NDUFA8: variants seen among roughly 807,000 people sequenced by gnomAD.
The protein encoded by NDUFA8 is NADH:ubiquinone oxidoreductase subunit A8, also known as NADH dehydrogenase [ubiquinone] 1 alpha subcomplex subunit 8.
Under a neutral mutation model 20.9 loss-of-function variants are expected in NDUFA8, and 16 were observed. The ratio of observed to expected loss-of-function variants is 0.77; its 90% CI spans 0.52 to 1.16. The LOEUF (loss-of-function observed/expected upper bound fraction) is 1.16. Among genes scored for constraint, NDUFA8 ranks in the 50% most tolerant of loss-of-function variants. The probability of loss-of-function intolerance (pLI) is 0.00; values close to 1 mark genes in which losing one functional copy is unlikely to be tolerated. For synonymous variants in NDUFA8, 70 were observed against 76.1 expected (o/e 0.92, Z 0.41); for missense variants, 202 against 216.4 (o/e 0.93, Z 0.42).
At chr9:122,142,951 G>C (rs539695248), downstream of NDUFA8, among the ~76,000 whole-genome samples, 11 of 152,300 alleles carry the variant, frequency 7.2e-5, no homozygotes, top group African/African-American at 2.4e-4. Context: ...TTTTTCATTA[G>C]AGAATCTGAG....
At chr9:122,152,985 C>G (rs1829027804) in intron 1 of NDUFA8, among the ~76,000 whole-genome samples, 1 of 152,098 alleles carries the variant, frequency 6.6e-6, no homozygotes, top group Non-Finnish European at 1.5e-5. Context: ...ATATATAAGG[C>G]TGGGCACAGT....
Position 122,159,752 on chromosome 9 carries a change from C to A in NDUFA8, c.-75G>T. The A allele has an allele frequency of 6.2e-7, 1 of 1,604,286 alleles. No individual in the cohort carries two copies. Among genetic ancestry groups the A allele is most frequent in the Non-Finnish European group, 8.5e-7 (1 of 1,172,132 alleles). Reference sequence around the variant, plus strand: ...CGTCTCCTTGAACTCCCCTTTCGACCGCCGAGTGCCACACGGCGCCTGCGC... The same window carrying A: ...CGTCTCCTTGAACTCCCCTTTCGACAGCCGAGTGCCACACGGCGCCTGCGC... On this transcript the variant is annotated 5_prime_UTR_variant, in exon 1 of 4. Coordinates refer to ENST00000373768, the MANE Select transcript of NDUFA8 (RefSeq NM_014222.3).
rs1358002411 is a variant in NDUFA8, at chr9:122,144,058, T to C, written c.*183A>G. 41 of 1,454,922 alleles carry C rather than the reference T, an allele frequency of 2.8e-5. No individual in the cohort carries two copies. In the East Asian group the frequency reaches 9.1e-4, roughly 32 times the overall value. 90.1% of individuals were successfully genotyped at this position (1,454,922 alleles called of 1,614,324 possible). On this transcript the variant is annotated 3_prime_UTR_variant, in exon 4 of 4. Coordinates refer to ENST00000373768, the MANE Select transcript of NDUFA8 (RefSeq NM_014222.3). Reference sequence around the variant, plus strand: ...CATAAAACATAATAAAATACAACCGTTTCCTTTAAAAATTTTAATGGACAG... The same window carrying C: ...CATAAAACATAATAAAATACAACCGCTTCCTTTAAAAATTTTAATGGACAG...
the NDUFA8 span, among the ~76,000 whole-genome samples, chr9:122,135,145 T>G: frequency 6.6e-6 from 1 of 152,196 alleles, no homozygotes; most frequent in African/African-American, 2.4e-5. Context: ...CCCTCCCTCT[T>G]GCCTGGAAAA....
downstream of NDUFA8, among the ~76,000 whole-genome samples, chr9:122,141,740 T>C (rs967283444): frequency 1.3e-5 from 2 of 152,226 alleles, no homozygotes; most frequent in Non-Finnish European, 2.9e-5. Flanking sequence ...TGTGACCTTT[T>C]ACCTACTGAA....
At position 122,144,182 on chromosome 9, in the gene NDUFA8, G is replaced by A. The variant is rs1272105308; in HGVS notation, c.*59C>T. 23 of 1,611,956 alleles carry A rather than the reference G, an allele frequency of 1.4e-5. No individual in the cohort carries two copies. The highest frequency in any genetic ancestry group is 1.8e-5 in the Non-Finnish European group (21 of 1,179,866). ...CACTATCAGTCGATGCAAACCGCAT[G>A]GGCGTTTTCATCAGTCGTTGTCTGA... On this transcript the variant is annotated 3_prime_UTR_variant, in exon 4 of 4. Coordinates refer to ENST00000373768, the MANE Select transcript of NDUFA8 (RefSeq NM_014222.3).
intron 1 of NDUFA8, among the ~76,000 whole-genome samples, chr9:122,156,030 G>C (rs1829071630): frequency 6.6e-6 from 1 of 152,210 alleles, no homozygotes; most frequent in African/African-American, 2.4e-5. Flanking sequence ...AGAACACAGA[G>C]ATTGTGACCT....
At chr9:122,133,305 C>G in the NDUFA8 span, among the ~76,000 whole-genome samples, 188 of 152,288 alleles carry the variant, frequency 1.2e-3, no homozygotes, top group Non-Finnish European at 2.3e-3. Flanking sequence ...TTCTGGGACC[C>G]CAGGTACTGT....
rs771041512 is a variant in NDUFA8, at chr9:122,152,267, T to C, written c.193A>G (p.Lys65Glu). 1.5e-5 allele frequency: 24 copies of C among 1,614,202 alleles called. No homozygotes were observed. The South Asian group carries it at 2.5e-4, about 17-fold the overall frequency. ...RCLEEGKLVN[K>E]CALDFFRQIK... ...TACCTAAAGAAGTCCAAAGCACACT[T>C]GTTGACCAGTTTGCCTTCCTCTAAA... Residue 65 changes from lysine (K) to glutamate (E), a missense_variant, in exon 2 of 4, where the codon AAG (lysine) becomes GAG (glutamate). Coordinates refer to ENST00000373768, the MANE Select transcript of NDUFA8 (RefSeq NM_014222.3).
chr9:122,139,412 C>T (rs1490710800), downstream of NDUFA8, among the ~76,000 whole-genome samples: 1 of 152,148 alleles, frequency 6.6e-6, no homozygotes, highest in Admixed American at 6.5e-5. Flanking sequence ...TTTATCACAA[C>T]CTGAAATCAT....
At chr9:122,147,215 A>C (rs1450811693) in intron 3 of NDUFA8, among the ~76,000 whole-genome samples, 1 of 152,052 alleles carries the variant, frequency 6.6e-6, no homozygotes, top group African/African-American at 2.4e-5. Flanking sequence ...CAAGAATAAG[A>C]TAACAGCAGC....
At chr9:122,134,925 G>T in the NDUFA8 span, among the ~76,000 whole-genome samples, 1 of 152,344 alleles carries the variant, frequency 6.6e-6, no homozygotes, top group Admixed American at 6.5e-5. Flanking sequence ...GTCACCAGCA[G>T]GCTGGAATCC....
intron 1 of NDUFA8, among the ~76,000 whole-genome samples, chr9:122,156,019 T>C (rs1178475882): frequency 1.3e-5 from 2 of 152,214 alleles, no homozygotes; most frequent in Non-Finnish European, 2.9e-5. Context: ...ACCCCAGAAC[T>C]AGAACACAGA....
At chr9:122,146,637 C>G (rs2118699043) in intron 3 of NDUFA8, among the ~76,000 whole-genome samples, 1 of 152,322 alleles carries the variant, frequency 6.6e-6, no homozygotes, top group Middle Eastern at 3.4e-3. Context: ...GTATGGTGAC[C>G]TGTAATCCCA....
intron 1 of NDUFA8, among the ~76,000 whole-genome samples, chr9:122,154,893 T>C (rs1829055380): frequency 6.6e-6 from 1 of 152,228 alleles, no homozygotes; most frequent in African/African-American, 2.4e-5. Context: ...GACTAAAATT[T>C]TTAGGCTTCG....
intron 1 of NDUFA8, among the ~76,000 whole-genome samples, chr9:122,153,532 T>C (rs1249719821): frequency 6.6e-6 from 1 of 152,180 alleles, no homozygotes; most frequent in African/African-American, 2.4e-5. Flanking sequence ...ATTTTAGTGA[T>C]ATTTTCTTGA....
At chr9:122,157,902 C>A (rs1829098599) in intron 1 of NDUFA8, among the ~76,000 whole-genome samples, 1 of 152,132 alleles carries the variant, frequency 6.6e-6, no homozygotes. Flanking sequence ...GCCTGTAATC[C>A]CAGCACTTTG....
chr9:122,133,030 A>G, the NDUFA8 span: 3 of 455,930 alleles, frequency 6.6e-6, no homozygotes, highest in East Asian at 1.4e-4. Flanking sequence ...TTTCATGCCC[A>G]TGGTTCCATC....
At chr9:122,139,149 G>A (rs1214072124), downstream of NDUFA8, among the ~76,000 whole-genome samples, 1 of 152,202 alleles carries the variant, frequency 6.6e-6, no homozygotes, top group Non-Finnish European at 1.5e-5. Flanking sequence ...CCAGGCAGAC[G>A]AGTTTCCTCT....
Sources: gnomAD v4.1 joint callset for allele counts (sites outside exome capture counted in the v4.1 genomes callset) on GRCh38, gnomAD v4.1.1 for gene constraint, MANE v1.5 for transcripts, NCBI Gene and HGNC (gene_info 2026-07-23, HGNC 2026-07-21) for gene names.